CHMP4B: variants seen among roughly 807,000 people sequenced by gnomAD.
The protein encoded by CHMP4B is charged multivesicular body protein 4B.
In CHMP4B, 1 loss-of-function variant was observed where a neutral mutation model predicts 25.1. The ratio of observed to expected loss-of-function variants is 0.04; its 90% CI spans 0.01 to 0.19. The LOEUF is 0.19. Ranked by LOEUF, CHMP4B falls within the 10% of genes least tolerant of loss-of-function variation. The pLI is 1.00. For missense variants in CHMP4B, 151 were observed against 289.7 expected, an observed-to-expected ratio of 0.52 and a Z score of 3.48; for synonymous variants, 101 against 115.6, an observed-to-expected ratio of 0.87 and a Z score of 0.81.
chr20:33,823,368 A>G (rs1471361987), intron 1 of CHMP4B, among the ~76,000 whole-genome samples: 1 of 151,422 alleles, frequency 6.6e-6, no homozygotes, highest in Non-Finnish European at 1.5e-5. Flanking sequence ...ATCACAGTAG[A>G]TTTTCTGGTG....
At chr20:33,823,258 T>C (rs1001515501) in intron 1 of CHMP4B, among the ~76,000 whole-genome samples, 1 of 151,932 alleles carries the variant, frequency 6.6e-6, no homozygotes, top group Non-Finnish European at 1.5e-5. Context: ...CATGTGTGAG[T>C]GGTATTATCC....
In CHMP4B at chr20:33,848,522, C is replaced by T. The variant is rs758759839; in HGVS notation, c.246C>T (p.Ile82=). 38 of 1,614,098 alleles carry T rather than the reference C, an allele frequency of 2.4e-5. No individual in the cohort carries two copies. Among genetic ancestry groups the T allele is most frequent in the African/African-American group, 5.3e-5 (4 of 74,932 alleles). ...KKRYEKQLAQ[I]DGTLSTIEFQ... is the part of the protein sequence containing the mutation. ...GGTATGAGAAGCAGCTGGCGCAGATCGACGGCACATTATCAACCATCGAGT... is the reference window on the plus strand; with the variant it reads ...GGTATGAGAAGCAGCTGGCGCAGATTGACGGCACATTATCAACCATCGAGT... Residue 82 remains isoleucine, a synonymous_variant, in exon 2 of 5, where the codon ATC becomes ATT. Transcript: ENST00000217402.
chr20:33,826,733 G>T (rs1471084197), intron 1 of CHMP4B, among the ~76,000 whole-genome samples: 1 of 152,192 alleles, frequency 6.6e-6, no homozygotes, highest in Non-Finnish European at 1.5e-5. Context: ...GGGCAGCTTG[G>T]TAGAGGCAGA....
chr20:33,843,340 A>G (rs1414985859), intron 1 of CHMP4B, among the ~76,000 whole-genome samples: 1 of 152,208 alleles, frequency 6.6e-6, no homozygotes, highest in Non-Finnish European at 1.5e-5. Context: ...GGAGATTCCA[A>G]GGACTGTTTT....
intron 1 of CHMP4B, among the ~76,000 whole-genome samples, chr20:33,834,497 G>C (rs1216457025): frequency 1.3e-5 from 2 of 152,060 alleles, no homozygotes; most frequent in Non-Finnish European, 2.9e-5. Context: ...ATTTTTAATA[G>C]AAATAAGGTC....
At chr20:33,843,119 G>T (rs1321444000) in intron 1 of CHMP4B, among the ~76,000 whole-genome samples, 1 of 152,180 alleles carries the variant, frequency 6.6e-6, no homozygotes, top group Non-Finnish European at 1.5e-5. Flanking sequence ...TTTTTGACTG[G>T]TCTCTGCTTC....
At chr20:33,851,165 C>T in intron 3 of CHMP4B, 99 bp downstream of exon 3, 1 of 808,018 alleles carries the variant, frequency 1.2e-6, no homozygotes, top group South Asian at 1.4e-5. Context: ...AGCATTTGGA[C>T]TTGGACAGAG....
At chr20:33,845,901 T>C (rs1382498576) in intron 1 of CHMP4B, among the ~76,000 whole-genome samples, 3 of 152,150 alleles carry the variant, frequency 2.0e-5, no homozygotes, top group African/African-American at 7.2e-5. Flanking sequence ...GCAAAGGCGG[T>C]TCTGTAGACC....
intron 1 of CHMP4B, among the ~76,000 whole-genome samples, chr20:33,819,763 C>G (rs571941274): frequency 1.2e-3 from 181 of 152,312 alleles, no homozygotes; most frequent in African/African-American, 4.1e-3. Flanking sequence ...GGTAAGCCTC[C>G]TCATGTCTCT....
intron 1 of CHMP4B, among the ~76,000 whole-genome samples, chr20:33,829,375 T>G (rs2122793654): frequency 6.6e-6 from 1 of 152,266 alleles, no homozygotes; most frequent in East Asian, 1.9e-4. Flanking sequence ...ATCTGTGGTG[T>G]TTGCTCAGCT....
At chr20:33,832,921 G>A (rs1601322611) in intron 1 of CHMP4B, among the ~76,000 whole-genome samples, 1 of 151,536 alleles carries the variant, frequency 6.6e-6, no homozygotes, top group East Asian at 2.0e-4. Flanking sequence ...TATGACTACA[G>A]GTGTGCACCA....
rs527894171 is a variant in CHMP4B, at chr20:33,840,265, G to C, written c.191-8202G>C. 7.3e-5 allele frequency among the ~76,000 whole-genome samples: 11 copies of C among 151,688 alleles called. No individual in the cohort carries two copies. The South Asian group carries it at 2.3e-3, about 32-fold the overall frequency. On this transcript the variant is annotated intron_variant, in intron 1 of 4. Coordinates refer to ENST00000217402, the MANE Select transcript of CHMP4B (RefSeq NM_176812.5). ...CATCTCAAAAAAAAAAAAGGGGGGG[G>C]ACAGGACAGGGACAAGAAGATGCAG...
At chr20:33,818,331 G>C (rs1978836635) in intron 1 of CHMP4B, among the ~76,000 whole-genome samples, 1 of 152,230 alleles carries the variant, frequency 6.6e-6, no homozygotes, top group Non-Finnish European at 1.5e-5. Context: ...AATACAGCAG[G>C]AAGAGTTTAA....
At chr20:33,842,309 G>C (rs1202956357) in intron 1 of CHMP4B, among the ~76,000 whole-genome samples, 1 of 152,108 alleles carries the variant, frequency 6.6e-6, no homozygotes, top group Non-Finnish European at 1.5e-5. Context: ...TATGGCCGTA[G>C]ACTTGATTTT....
In CHMP4B at chr20:33,811,481, G is replaced by C. The variant is rs932711352; in HGVS notation, c.13G>C (p.Gly5Arg). 7 of 1,569,938 alleles carry C rather than the reference G, an allele frequency of 4.5e-6. No individual in the cohort carries two copies. Among genetic ancestry groups the C allele is most frequent in the Non-Finnish European group, 6.1e-6 (7 of 1,156,018 alleles). ...GCGAGCAGCAACCATGTCGGTGTTCGGGAAGCTGTTCGGGGCTGGAGGGGG... is the reference window on the plus strand; with the variant it reads ...GCGAGCAGCAACCATGTCGGTGTTCCGGAAGCTGTTCGGGGCTGGAGGGGG... MSVF[G>R]KLFGAGGGKA... Residue 5 changes from glycine to arginine, a missense_variant, in exon 1 of 5, where the codon GGG becomes CGG. This residue lies in a region of CHMP4B where 28 missense variants were observed against 30.5 expected (regional missense o/e 0.92). Coordinates refer to ENST00000217402, the MANE Select transcript of CHMP4B (RefSeq NM_176812.5).
Position 33,846,613 on chromosome 20 carries a change from G to A in CHMP4B, c.191-1854G>A, listed in dbSNP as rs535502072. Among the ~76,000 whole-genome samples, 638 of 152,334 alleles carry A rather than the reference G, an allele frequency of 4.2e-3. 2 individuals are homozygous for A. The highest frequency in any genetic ancestry group is 6.9e-3 in the Non-Finnish European group (468 of 68,034). On this transcript the variant is annotated intron_variant, in intron 1 of 4. Coordinates refer to ENST00000217402, the MANE Select transcript of CHMP4B (RefSeq NM_176812.5). ...CTGTGTGCTATACGCAGGCCAAGCCGTTTTCCCTTGGCAAATGGTCCTTAG... is the reference window on the plus strand; with the variant it reads ...CTGTGTGCTATACGCAGGCCAAGCCATTTTCCCTTGGCAAATGGTCCTTAG...
chr20:33,843,801 G>A (rs746287427), intron 1 of CHMP4B, among the ~76,000 whole-genome samples: 1 of 152,208 alleles, frequency 6.6e-6, no homozygotes, highest in Non-Finnish European at 1.5e-5. Context: ...TATAGGAGGT[G>A]GTTCAAGTGC....
intron 1 of CHMP4B, among the ~76,000 whole-genome samples, chr20:33,813,098 G>GA (rs1458987450): frequency 2.0e-5 from 3 of 149,440 alleles, no homozygotes; most frequent in Non-Finnish European, 3.0e-5. Flanking sequence ...AGGCGTCTTT[G>GA]AAAAGGTAAA....
Position 33,844,844 on chromosome 20 carries a change from C to G in CHMP4B, c.191-3623C>G, listed in dbSNP as rs58617732. 4.0e-5 allele frequency among the ~76,000 whole-genome samples: 6 copies of G among 151,324 alleles called. No individual in the cohort carries two copies. In the South Asian group the frequency reaches 1.3e-3, roughly 32 times the overall value. ...CGTGATCTCGGTTCTCTACAAGCTC[C>G]GCCTCCTGGGCTCACGCCATTCTCC... On this transcript the variant is annotated intron_variant, in intron 1 of 4. Coordinates refer to ENST00000217402, the MANE Select transcript of CHMP4B (RefSeq NM_176812.5).
Sources: gnomAD v4.1 joint callset for allele counts (sites outside exome capture counted in the v4.1 genomes callset) on GRCh38, gnomAD v4.1.1 for gene constraint, gnomAD v4.1.1 regional missense constraint, MANE v1.5 for transcripts, NCBI Gene and HGNC (gene_info 2026-07-23, HGNC 2026-07-21) for gene names.